The following USH2A variants were observed in gnomAD, a reference collection of about 807,000 sequenced individuals.
USH2A encodes the protein Usher syndrome 2A (autosomal recessive, mild).
A neutral mutation model predicts 538.9 loss-of-function variants in USH2A; 443 were observed. The ratio of observed to expected loss-of-function variants is 0.82; its 90% confidence interval spans 0.76 to 0.89. USH2A has a LOEUF of 0.89. Ranked by LOEUF, USH2A falls within the 40% of genes least tolerant of loss-of-function variation. The probability of loss-of-function intolerance (pLI) is 0.00; values close to 1 mark genes in which losing one functional copy is unlikely to be tolerated. For synonymous variants in USH2A, 2,413 were observed against 2,273.5 expected, an observed-to-expected ratio of 1.06 and a Z score of -1.75; for missense variants, 6,633 against 6,324.8, an observed-to-expected ratio of 1.05 and a Z score of -1.65.
intron 7 of USH2A, 22 bp from the exon 8 acceptor site, chr1:216,323,717 T>C (rs2037666613): frequency 6.2e-7 from 1 of 1,610,164 alleles, no homozygotes; most frequent in Non-Finnish European, 8.5e-7. Flanking sequence ...AGAAATTCGA[T>C]GTCATGAAAA....
intron 32 of USH2A, among the ~76,000 whole-genome samples, chr1:216,015,257 G>A (rs1668678955): frequency 6.6e-6 from 1 of 152,144 alleles, no homozygotes; most frequent in Middle Eastern, 3.2e-3. Context: ...GCAAACCTAA[G>A]GGGTGATATG....
intron 32 of USH2A, among the ~76,000 whole-genome samples, chr1:216,036,983 A>T (rs1051323279): frequency 6.6e-6 from 1 of 152,136 alleles, no homozygotes; most frequent in Non-Finnish European, 1.5e-5. Context: ...TCTCAACATA[A>T]GCTCAATCAA....
intron 32 of USH2A, among the ~76,000 whole-genome samples, chr1:216,032,047 T>C (rs755618892): frequency 2.6e-5 from 4 of 152,202 alleles, no homozygotes; most frequent in Non-Finnish European, 4.4e-5. Context: ...TTTTATGTAT[T>C]TCTGTCTAAG....
At position 215,758,809 on chromosome 1, in the gene USH2A, A is replaced by G. The variant is rs1660890841; in HGVS notation, c.11232-57T>C. 3.2e-6 allele frequency: 5 copies of G among 1,568,950 alleles called. No homozygotes were observed. In the South Asian group the frequency reaches 5.6e-5, roughly 17 times the overall value. The stretch of plus-strand genomic sequence containing the variant: ...AGGCCATGCACAAGAGACTTGAACA[A>G]TGATTACTAGTTTTTGTATCAATTG... On this transcript the variant is annotated intron_variant, in intron 57 of 71. Transcript: ENST00000307340.
chr1:216,070,900 A>C (rs370377204), intron 29 of USH2A, among the ~76,000 whole-genome samples: 2 of 152,130 alleles, frequency 1.3e-5, no homozygotes, highest in African/African-American at 2.4e-5. Context: ...GAGATTCTAC[A>C]AAGTCATTTT....
At chr1:216,077,976 G>A in intron 27 of USH2A, 113 bp downstream of exon 27, 1 of 1,309,608 alleles carries the variant, frequency 7.6e-7, no homozygotes, top group Non-Finnish European at 1.1e-6. Context: ...AAGAGATGCT[G>A]TTGGGTGCTG....
intron 62 of USH2A, among the ~76,000 whole-genome samples, chr1:215,679,475 G>A (rs1243716102): frequency 6.6e-6 from 1 of 152,216 alleles, no homozygotes; most frequent in Non-Finnish European, 1.5e-5. Context: ...TAACAGGTAT[G>A]TCTGCCACCA....
rs1418825414 is a variant in USH2A at position 215,674,763 on chromosome 1, T to C, written c.13148A>G (p.Asn4383Ser). Residue 4383 changes from asparagine (N) to serine (S), a missense_variant, in exon 63 of 72, where the codon AAT becomes AGT. Physicochemically the swap from Asn to Ser is conservative, Grantham distance 46. Transcript: ENST00000307340. ...AACTAAATATTTAGTAATCTTTCCA[T>C]TTTGCACTGTGGGCGGTGACCAACA... Reference protein sequence around the residue: ...NVCWSPPTVQNGKITKYLVRY... With the variant: ...NVCWSPPTVQSGKITKYLVRY... The C allele has an allele frequency of 6.2e-7, 1 of 1,614,126 alleles. No homozygotes were observed. Among genetic ancestry groups the C allele is most frequent in the Admixed American group, 1.7e-5 (1 of 60,008 alleles).
At position 216,174,314 on chromosome 1, in the gene USH2A, C is replaced by G. The variant is rs1200088131; in HGVS notation, c.4627+938G>C. 4 of 976,890 alleles carry G rather than the reference C, an allele frequency of 4.1e-6. No homozygotes were observed. In the Admixed American group the frequency reaches 2.5e-4, roughly 60 times the overall value. The allele number at this position is 976,890 out of a possible 1,614,324, so 60.5% of individuals were successfully genotyped here. A position where few individuals can be genotyped will look rare whatever the true frequency, so the allele number is the denominator to read the frequency against. ...TTTACATAATAATATATATCTTATACTTTGTAAATTTTTTTAAAAATTGGA... is the reference window on the plus strand; with the variant it reads ...TTTACATAATAATATATATCTTATAGTTTGTAAATTTTTTTAAAAATTGGA... On this transcript the variant is annotated intron_variant, in intron 21 of 71. Transcript: ENST00000307340.
In USH2A at chr1:215,998,886, C is replaced by T. The variant is rs1571876788; in HGVS notation, c.6657+1G>A. Reference sequence around the variant, plus strand: ...AGAGAAAGTGATGGAAATAAACTTACTCCCAGCTTGATGAGATATTTATTA... The same window carrying T: ...AGAGAAAGTGATGGAAATAAACTTATTCCCAGCTTGATGAGATATTTATTA... On this transcript the variant is annotated splice_donor_variant, in intron 34 of 71. Coordinates refer to ENST00000307340, the MANE Select transcript of USH2A (RefSeq NM_206933.4). LOFTEE classifies it high-confidence loss of function. The T allele has an allele frequency of 6.2e-7, 1 of 1,612,440 alleles. No individual in the cohort carries two copies. Among genetic ancestry groups the T allele is most frequent in the South Asian group, 1.1e-5 (1 of 91,048 alleles).
chr1:215,680,497 CA>C, intron 61 of USH2A, 121 bp from the exon 62 acceptor site: 1 of 881,554 alleles, frequency 1.1e-6, no homozygotes, highest in Non-Finnish European at 1.8e-6. Context: ...GCAAACACTA[CA>C]GCAGAGTTTT....
intron 58 of USH2A, among the ~76,000 whole-genome samples, chr1:215,744,231 C>G: frequency 6.6e-6 from 1 of 152,196 alleles, no homozygotes; most frequent in South Asian, 2.1e-4. Context: ...ATTATTGGGC[C>G]AGGACAGTTC....
In USH2A at chr1:215,624,410, C is replaced by T. The variant is rs1655922398; in HGVS notation, c.*1371G>A. 6.6e-6 allele frequency: 1 copy of T among 152,126 alleles called. No homozygotes were observed. Among genetic ancestry groups the T allele is most frequent in the African/African-American group, 2.4e-5 (1 of 41,428 alleles). 9.4% of individuals were successfully genotyped at this position (152,126 alleles called of 1,614,324 possible). ...ATAAGTAAGACTATCCCTTACTTTA[C>T]AAGTTTTTGCCTGTCTCTGGTTGTA... On this transcript the variant is annotated 3_prime_UTR_variant, in exon 72 of 72. Coordinates refer to ENST00000307340, the MANE Select transcript of USH2A (RefSeq NM_206933.4).
intron 32 of USH2A, among the ~76,000 whole-genome samples, chr1:216,032,016 G>T (rs1669140448): frequency 1.3e-5 from 2 of 152,274 alleles, no homozygotes; most frequent in South Asian, 2.1e-4. Flanking sequence ...TTTACCACAG[G>T]TTGGACAGCA....
intron 11 of USH2A, among the ~76,000 whole-genome samples, chr1:216,251,799 TGCTA>T (rs1157832906): frequency 6.6e-6 from 1 of 152,160 alleles, no homozygotes; most frequent in Admixed American, 6.6e-5. Context: ...GTTTTGTACA[TGCTA>T]GGTATTTAAA....
At chr1:216,184,486 A>G (rs1240616591) in intron 20 of USH2A, among the ~76,000 whole-genome samples, 1 of 151,988 alleles carries the variant, frequency 6.6e-6, no homozygotes, top group East Asian at 1.9e-4. Context: ...CATTTGCATG[A>G]TAATTTTTCC....
intron 15 of USH2A, among the ~76,000 whole-genome samples, chr1:216,216,004 C>A (rs990048304): frequency 6.6e-6 from 1 of 151,948 alleles, no homozygotes; most frequent in Non-Finnish European, 1.5e-5. Flanking sequence ...AATATTGTCA[C>A]AAAATTAGTG....
rs1217096035 is a variant in USH2A at position 215,928,940 on chromosome 1, T to C, written c.7300+5676A>G. Among the ~76,000 whole-genome samples the C allele has an allele frequency of 2.6e-5, 4 of 152,112 alleles. No homozygotes were observed. In the South Asian group the frequency reaches 6.2e-4, roughly 24 times the overall value. ...GTGGTATTATTGGGCAAAAATCATATACTAACATCTTTTAAAAGCAAACAT... is the reference window on the plus strand; with the variant it reads ...GTGGTATTATTGGGCAAAAATCATACACTAACATCTTTTAAAAGCAAACAT... On this transcript the variant is annotated intron_variant, in intron 38 of 71. Transcript: ENST00000307340.
intron 35 of USH2A, among the ~76,000 whole-genome samples, chr1:215,992,492 T>A (rs1472865476): frequency 6.6e-6 from 1 of 152,204 alleles, no homozygotes; most frequent in African/African-American, 2.4e-5. Flanking sequence ...GCTAAATATG[T>A]ATAAATATAT....
Sources: gnomAD v4.1 joint callset for allele counts (sites outside exome capture counted in the v4.1 genomes callset) on GRCh38, gnomAD v4.1.1 for gene constraint, MANE v1.5 for transcripts, NCBI Gene and HGNC (gene_info 2026-07-23, HGNC 2026-07-21) for gene names.